PHF6: variants seen among roughly 807,000 people sequenced by gnomAD.
PHF6 encodes PHD finger protein 6.
Under a neutral mutation model 34.0 loss-of-function variants are expected in PHF6, and 7 were observed. The observed-to-expected ratio is 0.21, with a 90% confidence interval of 0.12 to 0.39. The LOEUF is 0.39. Ranked by LOEUF, PHF6 falls within the 10% of genes least tolerant of loss-of-function variation. PHF6 has a pLI of 1.00. For synonymous variants in PHF6, 89 were observed against 88.4 expected (o/e 1.01, Z -0.04); for missense variants, 128 against 262.8 (o/e 0.49, Z 3.55).
chrX:134,405,298 G>A (rs977839492), intron 5 of PHF6, among the ~76,000 whole-genome samples: 2 of 111,208 alleles, frequency 1.8e-5, no homozygotes, highest in Non-Finnish European at 3.8e-5. Context: ...CACCTCCCGG[G>A]TTCAAGCGAT....
chrX:134,399,623 G>C (rs2077392995), intron 5 of PHF6, among the ~76,000 whole-genome samples: 1 of 108,162 alleles, frequency 9.2e-6, no homozygotes, highest in African/African-American at 3.4e-5. Flanking sequence ...CAGAGTTCCT[G>C]TATATCTCCT....
chrX:134,406,476 A>C (rs2124238636), intron 5 of PHF6, among the ~76,000 whole-genome samples: 1 of 111,738 alleles, frequency 8.9e-6, no homozygotes, highest in African/African-American at 3.3e-5. Flanking sequence ...TGGAGCATAA[A>C]CCAGGAAGTT....
intron 1 of PHF6, among the ~76,000 whole-genome samples, chrX:134,375,489 C>T (rs1415905882): frequency 9.0e-6 from 1 of 111,376 alleles, no homozygotes; most frequent in African/African-American, 3.3e-5. Flanking sequence ...TTTAAGAATA[C>T]GAAGTGATTT....
intron 5 of PHF6, among the ~76,000 whole-genome samples, chrX:134,394,175 C>T (rs2077366928): frequency 9.1e-6 from 1 of 109,751 alleles, no homozygotes; most frequent in African/African-American, 3.3e-5. Context: ...GCTCTGTCGC[C>T]CAGGCTGGAG....
At chrX:134,408,660 T>G (rs959878766) in intron 5 of PHF6, among the ~76,000 whole-genome samples, 1 of 112,250 alleles carries the variant, frequency 8.9e-6, no homozygotes, top group Non-Finnish European at 1.9e-5. Context: ...AAAATTGATA[T>G]ACAGGTGTTC....
Position 134,413,957 on chromosome X carries a change from T to C in PHF6, c.720T>C (p.Tyr240=). 17 of 1,210,306 alleles carry C rather than the reference T, an allele frequency of 1.4e-5. No individual in the cohort carries two copies. Among genetic ancestry groups the C allele is most frequent in the Non-Finnish European group, 1.8e-5 (16 of 894,468 alleles). Residue 240 remains tyrosine, a synonymous_variant, in exon 7 of 11, where the codon TAT becomes TAC. Transcript: ENST00000370803. ...ATGCCAAGAAGGCAGCTGCCCATTA[T>C]AAGTGCATGGTAAGCATGGTTCTTT... ...IFNAKKAAAH[Y]KCMLFSSGTV...
chrX:134,388,445 C>T (rs1186836922), intron 3 of PHF6, among the ~76,000 whole-genome samples: 1 of 111,288 alleles, frequency 9.0e-6, no homozygotes, highest in Non-Finnish European at 1.9e-5. Context: ...AAGAACGTGA[C>T]CTCTTTTTGT....
Position 134,427,459 on chromosome X carries a change from G to C in PHF6, c.*1799G>C, listed in dbSNP as rs908068948. The C allele has an allele frequency of 3.2e-5, 5 of 158,562 alleles. No homozygotes were observed. The highest frequency in any genetic ancestry group is 6.1e-5 in the Non-Finnish European group (5 of 81,820). The allele number at this position is 158,562 out of a possible 1,213,427, so 13.1% of individuals were successfully genotyped here. A position where few individuals can be genotyped will look rare whatever the true frequency, so the allele number is the denominator to read the frequency against. On this transcript the variant is annotated 3_prime_UTR_variant, in exon 11 of 11. Transcript: ENST00000370803. ...ATAGACTTACCCATGGGACAACAGA[G>C]CTCCTTCATTTTTGGACAACTACTG...
At chrX:134,420,548 A>C (rs1215861624) in intron 9 of PHF6, among the ~76,000 whole-genome samples, 1 of 109,655 alleles carries the variant, frequency 9.1e-6, no homozygotes, top group Non-Finnish European at 1.9e-5. Flanking sequence ...CACATACACT[A>C]AAGATGAATT....
At position 134,426,190 on chromosome X, in the gene PHF6, A is replaced by G. The variant is rs2077506970; in HGVS notation, c.*530A>G. ...ATGCTAAAAATCTCTTCCAAGAAGT[A>G]TGCTAAAGCTTTTCATTTGGTTCCT... is the stretch of plus-strand genomic sequence containing the variant. On this transcript the variant is annotated 3_prime_UTR_variant, in exon 11 of 11. Coordinates refer to ENST00000370803, the MANE Select transcript of PHF6 (RefSeq NM_001015877.2). 6.3e-6 allele frequency: 1 copy of G among 158,672 alleles called. No individual in the cohort carries two copies. Among genetic ancestry groups the G allele is most frequent in the South Asian group, 3.3e-4 (1 of 3,068 alleles). 13.1% of individuals were successfully genotyped at this position (158,672 alleles called of 1,213,427 possible).
chrX:134,389,937 C>G (rs1460892693), intron 3 of PHF6, among the ~76,000 whole-genome samples: 1 of 111,404 alleles, frequency 9.0e-6, no homozygotes, highest in African/African-American at 3.3e-5. Flanking sequence ...ACTTACTGAA[C>G]AGTACTTTGT....
intron 5 of PHF6, among the ~76,000 whole-genome samples, chrX:134,394,430 C>A (rs752368161): frequency 1.8e-5 from 2 of 110,910 alleles, no homozygotes; most frequent in South Asian, 7.5e-4. Context: ...TCGTGCCCGA[C>A]CAAGATCTGA....
At chrX:134,422,491 T>C (rs1569345374) in intron 9 of PHF6, among the ~76,000 whole-genome samples, 1 of 110,919 alleles carries the variant, frequency 9.0e-6, no homozygotes, top group Non-Finnish European at 1.9e-5. Context: ...CATAGGTGGG[T>C]AGTTTGGGGA....
chrX:134,413,363 C>T, intron 5 of PHF6, 128 bp from the exon 6 acceptor site: 2 of 664,279 alleles, frequency 3.0e-6, no homozygotes, highest in Non-Finnish European at 4.7e-6. Flanking sequence ...ATTGAACATA[C>T]CACAGACCAT....
At chrX:134,378,218 A>G in intron 3 of PHF6, 112 bp downstream of exon 3, 1 of 464,782 alleles carries the variant, frequency 2.2e-6, no homozygotes, top group Non-Finnish European at 3.5e-6. Context: ...TTTAAATTGC[A>G]GGCTTTTCTT....
At chrX:134,400,390 CTT>C (rs59456723) in intron 5 of PHF6, among the ~76,000 whole-genome samples, 88 of 79,849 alleles carry the variant, frequency 1.1e-3, no homozygotes, top group African/African-American at 3.7e-3. Context: ...CAGCCTTTGC[CTT>C]TTTTTTTTTT....
intron 9 of PHF6, among the ~76,000 whole-genome samples, chrX:134,420,855 A>G (rs112471763): frequency 2.7e-5 from 3 of 111,458 alleles, no homozygotes; most frequent in African/African-American, 9.8e-5. Flanking sequence ...GAGCCTCCCA[A>G]AGTGCTGGGA....
chrX:134,401,324 G>A lies in PHF6; in HGVS notation c.418+7372G>A, dbSNP rs554859129. On this transcript the variant is annotated intron_variant, in intron 5 of 10. Transcript: ENST00000370803. ...ACAGTGTGAAGTAGAAAGGGTATCT[G>A]GACAGAAAGTCTGAAACTGCCACCC... 3.6e-5 allele frequency among the ~76,000 whole-genome samples: 4 copies of A among 111,747 alleles called. No homozygotes were observed. In the South Asian group the frequency reaches 1.1e-3, roughly 31 times the overall value.
At position 134,421,919 on chromosome X, in the gene PHF6, T is replaced by TTTTG. The variant is rs200939197; in HGVS notation, c.969-3258_969-3255dup. ...ACATTAAACAATTTTACATCTTGTT[T>TTTTG]TTTGTTTGTTTGTTTGTTTGTTTGT... is the stretch of plus-strand genomic sequence containing the variant. On this transcript the variant is annotated intron_variant, in intron 9 of 10. Transcript: ENST00000370803. Among the ~76,000 whole-genome samples the TTTTG allele has an allele frequency of 4.7e-3, 516 of 109,928 alleles. 3 individuals are homozygous for TTTTG. The highest frequency in any genetic ancestry group is 6.2e-3 in the Non-Finnish European group (327 of 52,596).
Sources: allele counts gnomAD v4.1 joint callset (sites outside exome capture counted in the v4.1 genomes callset), GRCh38; gene constraint gnomAD v4.1.1; transcripts MANE v1.5; gene names NCBI Gene and HGNC (gene_info 2026-07-23, HGNC 2026-07-21).